The following RGL1 variants were observed in gnomAD, a reference collection of about 807,000 sequenced individuals.
RGL1 encodes the protein ral guanine nucleotide dissociation stimulator like 1, also known as ral guanine nucleotide dissociation stimulator-like 1.
Under a neutral mutation model 95.2 loss-of-function variants are expected in RGL1, and 24 were observed. The ratio of observed to expected loss-of-function variants is 0.25; its 90% CI spans 0.18 to 0.35. The LOEUF (loss-of-function observed/expected upper bound fraction) is 0.35. Among genes scored for constraint, RGL1 ranks in the 10% least tolerant of loss-of-function variants. The probability of loss-of-function intolerance (pLI) is 1.00; values close to 1 mark genes in which losing one functional copy is unlikely to be tolerated. For synonymous variants in RGL1, 329 were observed against 344.9 expected (o/e 0.95, Z 0.51); for missense variants, 715 against 936.3 (o/e 0.76, Z 3.08).
intron 2 of RGL1, among the ~76,000 whole-genome samples, chr1:183,788,671 A>C (rs1468573544): frequency 6.6e-6 from 1 of 152,228 alleles, no homozygotes; most frequent in Non-Finnish European, 1.5e-5. Flanking sequence ...ACAGAGGATT[A>C]TTTGAAGGAT....
intron 2 of RGL1, among the ~76,000 whole-genome samples, chr1:183,825,575 C>T (rs1189051284): frequency 6.6e-6 from 1 of 152,156 alleles, no homozygotes; most frequent in Non-Finnish European, 1.5e-5. Context: ...TAAAACTGAA[C>T]ATTAATGAAA....
rs1558217468 is a variant in RGL1, at chr1:183,806,300, G to A, written c.28-75G>A. 6 of 1,122,952 alleles carry A rather than the reference G, an allele frequency of 5.3e-6. No individual in the cohort carries two copies. In the East Asian group the frequency reaches 1.2e-4, roughly 22 times the overall value. 69.6% of individuals were successfully genotyped at this position (1,122,952 alleles called of 1,614,324 possible). A position where few individuals can be genotyped will look rare whatever the true frequency, so the allele number is the denominator to read the frequency against. ...CCTGAGTGCTGTTGTAAGCAGCAAG[G>A]CAGCTGGGATAGATTGTGGTTAGCA... On this transcript the variant is annotated intron_variant, in intron 1 of 17. Transcript: ENST00000360851.
At chr1:183,685,557 A>G (rs1446789023) in intron 1 of RGL1, among the ~76,000 whole-genome samples, 2 of 152,344 alleles carry the variant, frequency 1.3e-5, no homozygotes, top group Non-Finnish European at 2.9e-5. Flanking sequence ...TGTAATATTA[A>G]AAACTACAGT....
At chr1:183,865,782 T>G (rs1412938388) in intron 3 of RGL1, among the ~76,000 whole-genome samples, 1 of 152,240 alleles carries the variant, frequency 6.6e-6, no homozygotes, top group African/African-American at 2.4e-5. Context: ...GTAGTGTGAT[T>G]AGTTGTTAAA....
intron 1 of RGL1, among the ~76,000 whole-genome samples, chr1:183,705,706 A>G (rs1345741397): frequency 1.3e-5 from 2 of 152,174 alleles, no homozygotes; most frequent in African/African-American, 2.4e-5. Flanking sequence ...CAGAAAGTAA[A>G]GTATATGGTT....
At chr1:183,849,998 T>A (rs1664734499) in intron 3 of RGL1, among the ~76,000 whole-genome samples, 2 of 152,156 alleles carry the variant, frequency 1.3e-5, no homozygotes, top group Non-Finnish European at 2.9e-5. Flanking sequence ...TATTTCCTCA[T>A]TTTCCCCACA....
chr1:183,649,525 T>C (rs561764150), intron 1 of RGL1, among the ~76,000 whole-genome samples: 1 of 152,270 alleles, frequency 6.6e-6, no homozygotes, highest in East Asian at 1.9e-4. Context: ...GATCATGGGA[T>C]CTCTTTTGCT....
chr1:183,737,763 C>A (rs997080454), intron 1 of RGL1, among the ~76,000 whole-genome samples: 12 of 152,128 alleles, frequency 7.9e-5, no homozygotes, highest in African/African-American at 1.7e-4. Context: ...AATTCCCAAA[C>A]AATTTTCTTT....
At chr1:183,729,959 G>A (rs1656533527) in intron 1 of RGL1, among the ~76,000 whole-genome samples, 1 of 152,178 alleles carries the variant, frequency 6.6e-6, no homozygotes, top group Admixed American at 6.5e-5. Flanking sequence ...CCCGGGGCCA[G>A]TGATAGGGTG....
intron 1 of RGL1, among the ~76,000 whole-genome samples, chr1:183,666,934 T>C (rs1401207932): frequency 6.6e-6 from 1 of 152,360 alleles, no homozygotes; most frequent in East Asian, 1.9e-4. Flanking sequence ...CCCATTCTGA[T>C]TGAGGAGTGT....
chr1:183,882,287 T>A (rs924891338), intron 5 of RGL1, among the ~76,000 whole-genome samples: 2 of 152,168 alleles, frequency 1.3e-5, no homozygotes, highest in African/African-American at 4.8e-5. Context: ...GGCTGCTGTG[T>A]TTGCTGAATG....
rs770552817 is a variant in RGL1, at chr1:183,907,119, G to T, written c.1562+18G>T. The T allele has an allele frequency of 2.5e-5, 38 of 1,499,868 alleles. No individual in the cohort carries two copies. The highest frequency in any genetic ancestry group is 4.1e-5 in the African/African-American group (3 of 72,604). The allele number at this position is 1,499,868 out of a possible 1,614,324, so 92.9% of individuals were successfully genotyped here. On this transcript the variant is annotated intron_variant, in intron 14 of 17. Coordinates refer to ENST00000360851, the MANE Select transcript of RGL1 (RefSeq NM_001297671.3). ...CTCAGCCTGTGAGTGTCCCCTGGGGGTTCTGGGGCTCCAAGAGGGTGCCAT... is the reference window on the plus strand; with the variant it reads ...CTCAGCCTGTGAGTGTCCCCTGGGGTTTCTGGGGCTCCAAGAGGGTGCCAT...
chr1:183,747,295 C>A (rs1463136204), intron 2 of RGL1, among the ~76,000 whole-genome samples: 2 of 152,188 alleles, frequency 1.3e-5, no homozygotes, highest in Non-Finnish European at 2.9e-5. Flanking sequence ...ATTCCTGTTT[C>A]TCCACATCCT....
chr1:183,713,376 A>ATC (rs1553273632), intron 1 of RGL1, among the ~76,000 whole-genome samples: 1 of 48,206 alleles, frequency 2.1e-5, no homozygotes, highest in Non-Finnish European at 3.5e-5. Context: ...ATCTAGAGGC[A>ATC]CCCCCCCCCC....
chr1:183,756,150 G>T, intron 2 of RGL1, among the ~76,000 whole-genome samples: 1 of 151,280 alleles, frequency 6.6e-6, no homozygotes, highest in East Asian at 1.9e-4. Context: ...CTCCCAAAGT[G>T]CTGGGAATAA....
intron 2 of RGL1, among the ~76,000 whole-genome samples, chr1:183,845,090 A>C (rs1664328319): frequency 6.6e-6 from 1 of 152,212 alleles, no homozygotes; most frequent in African/African-American, 2.4e-5. Flanking sequence ...GCACAATATC[A>C]TCATTAGAGA....
intron 1 of RGL1, among the ~76,000 whole-genome samples, chr1:183,640,752 ATCT>A (rs1271805055): frequency 6.6e-6 from 1 of 152,240 alleles, no homozygotes; most frequent in Non-Finnish European, 1.5e-5. Context: ...GATAATTTAC[ATCT>A]TCTTTTCTAA....
At chr1:183,752,674 T>TTCTCTC (rs71130636) in intron 2 of RGL1, among the ~76,000 whole-genome samples, 18 of 31,316 alleles carry the variant, frequency 5.7e-4, no homozygotes, top group African/African-American at 1.2e-3. Flanking sequence ...CTTTCTCTCT[T>TTCTCTC]TCTCTCTCTC....
At chr1:183,822,982 C>T (rs1165291548) in intron 2 of RGL1, among the ~76,000 whole-genome samples, 2 of 152,176 alleles carry the variant, frequency 1.3e-5, no homozygotes, top group Non-Finnish European at 2.9e-5. Flanking sequence ...CGCCAGACAT[C>T]ACTCAAATTC....
Sources: gnomAD v4.1 joint callset for allele counts (sites outside exome capture counted in the v4.1 genomes callset) on GRCh38, gnomAD v4.1.1 for gene constraint, MANE v1.5 for transcripts, NCBI Gene and HGNC (gene_info 2026-07-23, HGNC 2026-07-21) for gene names.